NRXN1: variants seen among roughly 807,000 people sequenced by gnomAD.
NRXN1 encodes the protein neurexin 1.
Under a neutral mutation model 150.9 loss-of-function variants are expected in NRXN1, and 39 were observed. The ratio of observed to expected loss-of-function variants is 0.26; its 90% CI spans 0.20 to 0.34. NRXN1 has a LOEUF of 0.34. Among genes scored for constraint, NRXN1 ranks in the 10% least tolerant of loss-of-function variants. The pLI, the probability that NRXN1 is intolerant of heterozygous loss-of-function variation, is 1.00. For missense variants in NRXN1, 1,815 were observed against 1,949.9 expected, an observed-to-expected ratio of 0.93 and a Z score of 1.30; for synonymous variants, 924 against 757.0, an observed-to-expected ratio of 1.22 and a Z score of -3.62.
intron 5 of NRXN1, among the ~76,000 whole-genome samples, chr2:50,788,762 G>A (rs773202825): frequency 1.3e-5 from 2 of 151,778 alleles, no homozygotes; most frequent in South Asian, 4.2e-4. Flanking sequence ...CTAAACCTTA[G>A]AAAACAAAAC....
chr2:50,156,407 T>C (rs2152779322), intron 18 of NRXN1, among the ~76,000 whole-genome samples: 1 of 151,986 alleles, frequency 6.6e-6, no homozygotes, highest in South Asian at 2.1e-4. Flanking sequence ...GTTAAAGACT[T>C]TGGGTAATCA....
chr2:50,840,669 C>G (rs565395677), intron 5 of NRXN1, among the ~76,000 whole-genome samples: 17 of 152,062 alleles, frequency 1.1e-4, no homozygotes, highest in Non-Finnish European at 1.9e-4. Context: ...AAAAGAGAAG[C>G]GACATGGACA....
At position 49,934,218 on chromosome 2, in the gene NRXN1, C is replaced by T. The variant is rs77602941; in HGVS notation, c.4216+9486G>A. Among the ~76,000 whole-genome samples, 1,087 of 152,214 alleles carry T rather than the reference C, an allele frequency of 7.1e-3. 18 individuals carry two copies. Among genetic ancestry groups the T allele is most frequent in the African/African-American group, 0.025 (1,043 of 41,536 alleles). On this transcript the variant is annotated intron_variant, in intron 22 of 22. Coordinates refer to ENST00000401669, the MANE Select transcript of NRXN1 (RefSeq NM_001330078.2). ...AGGCTTATTATGTTGGTAAAAACTC[C>T]TTTGATTAGGTTTCATTGTTTCTTT...
At chr2:50,775,526 G>A (rs1365945350) in intron 5 of NRXN1, among the ~76,000 whole-genome samples, 1 of 152,082 alleles carries the variant, frequency 6.6e-6, no homozygotes, top group Non-Finnish European at 1.5e-5. Flanking sequence ...CACATGCTTT[G>A]AGAATCCCTA....
intron 8 of NRXN1, among the ~76,000 whole-genome samples, chr2:50,617,074 T>G (rs1679178764): frequency 6.6e-6 from 1 of 152,106 alleles, no homozygotes; most frequent in Non-Finnish European, 1.5e-5. Context: ...ATTTCAGAAG[T>G]AACAAGAGCA....
chr2:50,061,239 C>G (rs1694490155), intron 19 of NRXN1, among the ~76,000 whole-genome samples: 1 of 152,086 alleles, frequency 6.6e-6, no homozygotes, highest in Non-Finnish European at 1.5e-5. Flanking sequence ...GTCCATTGTT[C>G]AATATACATC....
intron 18 of NRXN1, among the ~76,000 whole-genome samples, chr2:50,170,756 CGTGTGTGTGTGT>C (rs58130457): frequency 2.1e-5 from 3 of 143,108 alleles, no homozygotes; most frequent in East Asian, 2.1e-4. Flanking sequence ...CTCTGTCTGT[CGTGTGTGTGTGT>C]GTGTGTGTGT....
intron 5 of NRXN1, among the ~76,000 whole-genome samples, chr2:50,872,992 C>T (rs1479690683): frequency 6.6e-6 from 1 of 151,392 alleles, no homozygotes; most frequent in Admixed American, 6.6e-5. Flanking sequence ...CAAAGCAAGA[C>T]CCTGTCTCTA....
chr2:50,108,981 TA>T (rs1181548879), intron 18 of NRXN1, among the ~76,000 whole-genome samples: 1 of 152,030 alleles, frequency 6.6e-6, no homozygotes, highest in East Asian at 1.9e-4. Context: ...ATTCTAAAAA[TA>T]AGATAAACAT....
chr2:50,090,298 AC>A, intron 19 of NRXN1, among the ~76,000 whole-genome samples: 1 of 152,216 alleles, frequency 6.6e-6, no homozygotes. Flanking sequence ...TCATTAAATT[AC>A]TTCTTTCAAG....
At chr2:50,543,153 T>G (rs534105089) in intron 9 of NRXN1, among the ~76,000 whole-genome samples, 31 of 152,276 alleles carry the variant, frequency 2.0e-4, no homozygotes, top group African/African-American at 7.5e-4. Context: ...GGGTCATCCC[T>G]CTATCTTTTT....
chr2:50,607,172 C>T (rs1458693286), intron 8 of NRXN1, among the ~76,000 whole-genome samples: 2 of 152,072 alleles, frequency 1.3e-5, no homozygotes, highest in Admixed American at 6.6e-5. Flanking sequence ...GTCTGGGACA[C>T]CTCCTTGTTC....
intron 17 of NRXN1, among the ~76,000 whole-genome samples, chr2:50,330,002 T>C (rs2076732845): frequency 6.6e-6 from 1 of 151,856 alleles, no homozygotes; most frequent in Non-Finnish European, 1.5e-5. Flanking sequence ...TGGAAAAAAA[T>C]CTATCTGTCC....
In NRXN1 at chr2:50,885,690, T is replaced by C. The variant is rs368159614; in HGVS notation, c.832+36179A>G. 2.6e-4 allele frequency among the ~76,000 whole-genome samples: 39 copies of C among 151,482 alleles called. 1 individual carries two copies. The South Asian group carries it at 7.0e-3, about 27-fold the overall frequency. On this transcript the variant is annotated intron_variant, in intron 5 of 22. Transcript: ENST00000401669. The stretch of plus-strand genomic sequence containing the variant: ...TTAAAAATTCCCATGGTAGACTCAA[T>C]GTGAAAGATAATTTATTCCACTTAA...
intron 2 of NRXN1, among the ~76,000 whole-genome samples, chr2:50,933,242 G>A (rs1183931440): frequency 6.6e-6 from 1 of 152,012 alleles, no homozygotes; most frequent in Non-Finnish European, 1.5e-5. Context: ...CATAAATTGT[G>A]CCTTCCTTTT....
At chr2:50,302,879 A>C (rs564509561) in intron 17 of NRXN1, among the ~76,000 whole-genome samples, 7 of 152,114 alleles carry the variant, frequency 4.6e-5, no homozygotes, top group Non-Finnish European at 1.0e-4. Flanking sequence ...TGAAAAATAA[A>C]TCTGCATTCA....
At chr2:50,379,139 A>C (rs1243017919) in intron 17 of NRXN1, among the ~76,000 whole-genome samples, 2 of 152,138 alleles carry the variant, frequency 1.3e-5, no homozygotes, top group African/African-American at 4.8e-5. Flanking sequence ...CTGGAAAAGA[A>C]AGAGAGAGAA....
At chr2:50,437,234 A>T (rs75884970) in intron 17 of NRXN1, among the ~76,000 whole-genome samples, 2 of 152,204 alleles carry the variant, frequency 1.3e-5, no homozygotes, top group Non-Finnish European at 2.9e-5. Context: ...ACCTGCTCAA[A>T]TCAATATTTA....
intron 21 of NRXN1, among the ~76,000 whole-genome samples, chr2:50,025,752 T>C (rs1349622161): frequency 1.3e-5 from 2 of 152,220 alleles, no homozygotes; most frequent in African/African-American, 4.8e-5. Context: ...AACTCAGATA[T>C]ACTTTCCTAT....
Sources: gnomAD v4.1 joint callset for allele counts (sites outside exome capture counted in the v4.1 genomes callset) on GRCh38, gnomAD v4.1.1 for gene constraint, MANE v1.5 for transcripts, NCBI Gene and HGNC (gene_info 2026-07-23, HGNC 2026-07-21) for gene names.